Variants in COX6C observed in about 807,000 individuals in gnomAD.
The protein encoded by COX6C is cytochrome c oxidase subunit 6C, also known as cytochrome c oxidase polypeptide VIc.
COX6C carries 3 observed loss-of-function variants against 6.9 expected under a neutral mutation model. That is an observed-to-expected ratio of 0.43 (90% CI 0.20 to 1.12). The LOEUF is 1.12. Among genes scored for constraint, COX6C ranks in the 50% most tolerant of loss-of-function variants. The pLI, the probability that COX6C is intolerant of heterozygous loss-of-function variation, is 0.27. For synonymous variants in COX6C, 32 were observed against 32.0 expected, an observed-to-expected ratio of 1.00 and a Z score of 0.00; for missense variants, 101 against 97.3, an observed-to-expected ratio of 1.04 and a Z score of -0.16.
chr8:99,880,159 G>A (rs1368551356), intron 3 of COX6C, among the ~76,000 whole-genome samples: 1 of 152,202 alleles, frequency 6.6e-6, no homozygotes, highest in African/African-American at 2.4e-5. Context: ...CATGCATGGA[G>A]CCAGTCTGCA....
chr8:99,885,353 T>C (rs1419961458), intron 3 of COX6C, among the ~76,000 whole-genome samples: 1 of 152,226 alleles, frequency 6.6e-6, no homozygotes, highest in Non-Finnish European at 1.5e-5. Flanking sequence ...AACAACATAA[T>C]ATATACAGGG....
At chr8:99,884,748 C>G (rs1245134678) in intron 3 of COX6C, among the ~76,000 whole-genome samples, 1 of 152,136 alleles carries the variant, frequency 6.6e-6, no homozygotes, top group East Asian at 1.9e-4. Context: ...TATATATACA[C>G]ATACCTATAA....
intron 1 of COX6C, 83 bp from the exon 2 acceptor site, chr8:99,892,135 G>A (rs1818064048): frequency 1.4e-6 from 1 of 730,108 alleles, no homozygotes; most frequent in East Asian, 2.6e-5. Context: ...AGCATTGATT[G>A]GAGCTGCCCT....
At chr8:99,883,253 T>A (rs1220865845) in intron 3 of COX6C, among the ~76,000 whole-genome samples, 1 of 152,074 alleles carries the variant, frequency 6.6e-6, no homozygotes. Context: ...CATATTCTGT[T>A]ATCCAGGATG....
chr8:99,890,151 C>T (rs567646596), intron 2 of COX6C, among the ~76,000 whole-genome samples: 8 of 151,990 alleles, frequency 5.3e-5, no homozygotes, highest in African/African-American at 9.6e-5. Flanking sequence ...TTAGTAGAGA[C>T]GTAGTTTCTC....
intron 3 of COX6C, chr8:99,887,258 G>T (rs1817956358): frequency 3.1e-6 from 1 of 320,692 alleles, no homozygotes. Context: ...GTTTCTGACT[G>T]GGGGATGTGG....
intron 3 of COX6C, among the ~76,000 whole-genome samples, chr8:99,884,851 C>T (rs1349179320): frequency 6.6e-6 from 1 of 152,046 alleles, no homozygotes; most frequent in Non-Finnish European, 1.5e-5. Flanking sequence ...ATTAAAGATA[C>T]AAATAAGAGG....
rs879799894 is a variant in COX6C, at chr8:99,890,101, C to CA, written c.114+1806dup. 2.7e-3 allele frequency among the ~76,000 whole-genome samples: 374 copies of CA among 139,170 alleles called. 1 individual carries two copies. Among genetic ancestry groups the CA allele is most frequent in the Non-Finnish European group, 3.5e-3 (221 of 63,446 alleles). 91.3% of individuals were successfully genotyped at this position (139,170 alleles called of 152,430 possible). ...AGAGTGAGACTCCATCTCAAAAAAA[C>CA]AAAAAAAAAAAGAAGAAAGGCCCAG... On this transcript the variant is annotated intron_variant, in intron 2 of 3. Coordinates refer to ENST00000520468, the MANE Select transcript of COX6C (RefSeq NM_004374.4).
Sources: allele counts gnomAD v4.1 joint callset (sites outside exome capture counted in the v4.1 genomes callset), GRCh38; gene constraint gnomAD v4.1.1; transcripts MANE v1.5; gene names NCBI Gene and HGNC (gene_info 2026-07-23, HGNC 2026-07-21).